Variants in GRIK4 observed in about 807,000 individuals in gnomAD.
The protein encoded by GRIK4 is glutamate receptor ionotropic, kainate 4.
A neutral mutation model predicts 104.9 loss-of-function variants in GRIK4; 40 were observed. That is an observed-to-expected ratio of 0.38 (90% CI 0.30 to 0.50). The LOEUF (loss-of-function observed/expected upper bound fraction) is 0.50. GRIK4 is among the 20% of genes least tolerant of loss of function. The pLI, the probability that GRIK4 is intolerant of heterozygous loss-of-function variation, is 0.93. For synonymous variants in GRIK4, 485 were observed against 524.9 expected, an observed-to-expected ratio of 0.92 and a Z score of 1.04; for missense variants, 1,047 against 1,308.1, an observed-to-expected ratio of 0.80 and a Z score of 3.08.
intron 1 of GRIK4, among the ~76,000 whole-genome samples, chr11:120,532,789 G>A (rs890742659): frequency 3.9e-5 from 6 of 152,178 alleles, no homozygotes; most frequent in Admixed American, 6.5e-5. Flanking sequence ...AAAGACAGTC[G>A]GCCTGTCTTT....
At chr11:120,802,107 A>C (rs902924717) in intron 3 of GRIK4, among the ~76,000 whole-genome samples, 2 of 152,056 alleles carry the variant, frequency 1.3e-5, no homozygotes, top group African/African-American at 4.8e-5. Flanking sequence ...AGGTTGTCCT[A>C]CTCTTTCTAA....
At chr11:120,837,350 G>C (rs564897227) in intron 8 of GRIK4, among the ~76,000 whole-genome samples, 1 of 152,134 alleles carries the variant, frequency 6.6e-6, no homozygotes, top group East Asian at 1.9e-4. Flanking sequence ...AGTTGAAACA[G>C]ACCTTAGAGG....
At chr11:120,930,567 C>A (rs1207231241) in intron 13 of GRIK4, among the ~76,000 whole-genome samples, 1 of 152,128 alleles carries the variant, frequency 6.6e-6, no homozygotes, top group Non-Finnish European at 1.5e-5. Flanking sequence ...TGTACTAATA[C>A]AAGGAAATTT....
At chr11:120,598,924 G>T (rs1948842645) in intron 1 of GRIK4, among the ~76,000 whole-genome samples, 3 of 152,224 alleles carry the variant, frequency 2.0e-5, no homozygotes, top group African/African-American at 7.2e-5. Flanking sequence ...CAGACTCAAG[G>T]GATGGATAAT....
intron 1 of GRIK4, among the ~76,000 whole-genome samples, chr11:120,526,858 GAAAA>G (rs1200380400): frequency 6.6e-6 from 1 of 151,214 alleles, no homozygotes; most frequent in East Asian, 1.9e-4. Flanking sequence ...TCAAAAAAAA[GAAAA>G]AAAAAGTTCG....
intron 3 of GRIK4, among the ~76,000 whole-genome samples, chr11:120,662,518 C>G (rs1949833961): frequency 6.6e-6 from 1 of 152,166 alleles, no homozygotes; most frequent in Admixed American, 6.5e-5. Context: ...ATTACATGGA[C>G]TCCAGAGGGG....
At chr11:120,690,986 A>AT (rs1423489596) in intron 3 of GRIK4, among the ~76,000 whole-genome samples, 1 of 152,044 alleles carries the variant, frequency 6.6e-6, no homozygotes, top group African/African-American at 2.4e-5. Context: ...TCCTTTAATC[A>AT]TTTTTATTGC....
At chr11:120,974,434 C>T (rs1170089244) in intron 19 of GRIK4, among the ~76,000 whole-genome samples, 2 of 152,114 alleles carry the variant, frequency 1.3e-5, no homozygotes, top group African/African-American at 2.4e-5. Flanking sequence ...GTCTGTTTTT[C>T]GGAGACCTCT....
At chr11:120,771,164 C>G (rs1045075203) in intron 3 of GRIK4, among the ~76,000 whole-genome samples, 2 of 151,986 alleles carry the variant, frequency 1.3e-5, no homozygotes, top group African/African-American at 4.8e-5. Flanking sequence ...GATGAGGGCT[C>G]AAAAGAGGAG....
intron 1 of GRIK4, among the ~76,000 whole-genome samples, chr11:120,639,993 G>C (rs1471894872): frequency 1.3e-5 from 2 of 152,088 alleles, no homozygotes; most frequent in Non-Finnish European, 2.9e-5. Flanking sequence ...CCTGTCTCCT[G>C]TCCCCTCCAG....
At chr11:120,849,766 C>T (rs575322668) in intron 8 of GRIK4, among the ~76,000 whole-genome samples, 1 of 152,306 alleles carries the variant, frequency 6.6e-6, no homozygotes, top group East Asian at 1.9e-4. Flanking sequence ...ATCTTTTTGG[C>T]TTTTCTGTGC....
At chr11:120,686,944 C>T (rs969845974) in intron 3 of GRIK4, among the ~76,000 whole-genome samples, 5 of 152,162 alleles carry the variant, frequency 3.3e-5, no homozygotes, top group African/African-American at 1.2e-4. Flanking sequence ...TCCCTCTTAG[C>T]TTTCTCTGGT....
At chr11:120,537,058 C>T (rs1376287433) in intron 1 of GRIK4, among the ~76,000 whole-genome samples, 2 of 152,166 alleles carry the variant, frequency 1.3e-5, no homozygotes, top group Non-Finnish European at 1.5e-5. Context: ...ACAGTTCTTT[C>T]GGAAGAGAGC....
At chr11:120,538,692 C>A (rs527246150) in intron 1 of GRIK4, among the ~76,000 whole-genome samples, 213 of 152,272 alleles carry the variant, frequency 1.4e-3, no homozygotes, top group African/African-American at 4.8e-3. Context: ...AAACTGGCAG[C>A]CCTCCTGGGT....
chr11:120,773,470 C>G (rs1951984488), intron 3 of GRIK4, among the ~76,000 whole-genome samples: 1 of 152,160 alleles, frequency 6.6e-6, no homozygotes, highest in Non-Finnish European at 1.5e-5. Flanking sequence ...CCACCAGGGA[C>G]CAAACACGGA....
intron 1 of GRIK4, among the ~76,000 whole-genome samples, chr11:120,621,049 G>A (rs192615625): frequency 7.8e-4 from 119 of 152,234 alleles, no homozygotes; most frequent in African/African-American, 2.6e-3. Flanking sequence ...TTTAATCTTC[G>A]GGGATGGGTG....
chr11:120,929,342 C>T (rs1325263519), intron 13 of GRIK4, among the ~76,000 whole-genome samples: 1 of 152,080 alleles, frequency 6.6e-6, no homozygotes, highest in African/African-American at 2.4e-5. Context: ...TGCGGATGCT[C>T]GTGTGGGCCA....
At chr11:120,600,909 A>G (rs1051661265) in intron 1 of GRIK4, among the ~76,000 whole-genome samples, 7 of 151,716 alleles carry the variant, frequency 4.6e-5, no homozygotes, top group Non-Finnish European at 7.4e-5. Context: ...CAAAAAATAC[A>G]AAAAGGTGTG....
At chr11:120,815,319 GCGCAAGCC>G in intron 4 of GRIK4, 51 bp from the exon 5 acceptor site, 1 of 1,003,212 alleles carries the variant, frequency 1.0e-6, no homozygotes, top group Non-Finnish European at 1.5e-6. Context: ...CTGGGCCATG[GCGCAAGCC>G]CGACCTGATG....
Sources: allele counts gnomAD v4.1 joint callset (sites outside exome capture counted in the v4.1 genomes callset), GRCh38; gene constraint gnomAD v4.1.1; transcripts MANE v1.5; gene names NCBI Gene and HGNC (gene_info 2026-07-23, HGNC 2026-07-21).